LAMA2: variants seen among roughly 807,000 people sequenced by gnomAD.
LAMA2 encodes the protein laminin subunit alpha-2.
Under a neutral mutation model 364.8 loss-of-function variants are expected in LAMA2, and 269 were observed. The observed-to-expected ratio is 0.74, with a 90% CI of 0.67 to 0.82. LAMA2 has a LOEUF of 0.82. Ranked by LOEUF, LAMA2 falls within the 40% of genes least tolerant of loss-of-function variation. The probability of loss-of-function intolerance (pLI) is 0.00; values close to 1 mark genes in which losing one functional copy is unlikely to be tolerated. For missense variants in LAMA2, 3,807 were observed against 3,873.2 expected (o/e 0.98, Z 0.45); for synonymous variants, 1,379 against 1,370.6 (o/e 1.01, Z -0.14).
chr6:129,431,647 T>G (rs1298880949), intron 41 of LAMA2, among the ~76,000 whole-genome samples: 1 of 152,066 alleles, frequency 6.6e-6, no homozygotes, highest in Admixed American at 6.6e-5. Flanking sequence ...CTAAACTTCA[T>G]AACATAAACT....
chr6:128,995,112 A>C (rs1009706819), intron 1 of LAMA2, among the ~76,000 whole-genome samples: 7 of 152,208 alleles, frequency 4.6e-5, no homozygotes, highest in Admixed American at 1.3e-4. Context: ...TGCTACTTTG[A>C]ATTCGGTTTT....
intron 4 of LAMA2, among the ~76,000 whole-genome samples, chr6:129,099,562 T>C (rs1353826641): frequency 6.6e-6 from 1 of 152,138 alleles, no homozygotes; most frequent in Non-Finnish European, 1.5e-5. Flanking sequence ...CTCTCCCACA[T>C]AGTCCAAACA....
chr6:129,288,748 C>A (rs535077136), intron 19 of LAMA2, among the ~76,000 whole-genome samples: 1 of 152,242 alleles, frequency 6.6e-6, no homozygotes, highest in South Asian at 2.1e-4. Context: ...ATTTCCAAAT[C>A]CTTAATGTCA....
At chr6:129,226,595 T>C (rs2115114335) in intron 12 of LAMA2, among the ~76,000 whole-genome samples, 1 of 152,058 alleles carries the variant, frequency 6.6e-6, no homozygotes, top group Non-Finnish European at 1.5e-5. Flanking sequence ...TTATGAAGCT[T>C]AGTTTGGCTG....
intron 4 of LAMA2, among the ~76,000 whole-genome samples, chr6:129,117,734 C>G (rs1224816810): frequency 6.6e-6 from 1 of 152,188 alleles, no homozygotes; most frequent in Non-Finnish European, 1.5e-5. Flanking sequence ...ATTCTAAATG[C>G]CTTGCATCTT....
intron 12 of LAMA2, among the ~76,000 whole-genome samples, chr6:129,208,404 T>C (rs780034986): frequency 6.6e-6 from 1 of 152,024 alleles, no homozygotes; most frequent in African/African-American, 2.4e-5. Context: ...TGGGCTTAAT[T>C]TGAGGTCAGG....
At chr6:129,378,193 C>T (rs750637277) in intron 34 of LAMA2, among the ~76,000 whole-genome samples, 2 of 151,924 alleles carry the variant, frequency 1.3e-5, no homozygotes, top group African/African-American at 2.4e-5. Flanking sequence ...GTCAAATACT[C>T]AAAGGACAAG....
At position 129,438,627 on chromosome 6, in the gene LAMA2, T is replaced by C; in HGVS notation, c.5969-19T>C. 1 of 1,237,708 alleles carries C rather than the reference T, an allele frequency of 8.1e-7. No individual in the cohort carries two copies. The highest frequency in any genetic ancestry group is 2.3e-5 in the East Asian group (1 of 43,016). 76.7% of individuals were successfully genotyped at this position (1,237,708 alleles called of 1,614,324 possible). The stretch of plus-strand genomic sequence containing the variant: ...ATGATAAAACTTATTTAATCCTTTT[T>C]TTTGTTTTTTATTCGCAGAAAATGA... On this transcript the variant is annotated intron_variant, in intron 41 of 64. Transcript: ENST00000421865.
chr6:129,022,789 A>G (rs1785526649), intron 1 of LAMA2, among the ~76,000 whole-genome samples: 1 of 152,196 alleles, frequency 6.6e-6, no homozygotes, highest in Admixed American at 6.5e-5. Context: ...CAGGAGGCAG[A>G]ATAATAACTC....
rs1265656424 is a variant in LAMA2 at position 128,907,117 on chromosome 6, G to A, written c.112+23760G>A. Among the ~76,000 whole-genome samples the A allele has an allele frequency of 5.1e-4, 73 of 143,250 alleles. No individual in the cohort carries two copies. In the South Asian group the frequency reaches 0.015, roughly 29 times the overall value. 94.0% of individuals were successfully genotyped at this position (143,250 alleles called of 152,430 possible). On this transcript the variant is annotated intron_variant, in intron 1 of 64. Coordinates refer to ENST00000421865, the MANE Select transcript of LAMA2 (RefSeq NM_000426.4). Reference sequence around the variant, plus strand: ...TGGCTTAGGATTGACTTGGCGATGCGGGCTCTTTTTTGGTTCCATATGAAC... The same window carrying A: ...TGGCTTAGGATTGACTTGGCGATGCAGGCTCTTTTTTGGTTCCATATGAAC...
chr6:129,280,004 T>C (rs555864240), intron 17 of LAMA2, 57 bp from the exon 18 acceptor site: 4 of 1,126,730 alleles, frequency 3.6e-6, no homozygotes, highest in Non-Finnish European at 5.4e-6. Context: ...AAAATGCTAA[T>C]GACTTTGTGT....
chr6:128,982,578 G>T (rs776577352), intron 1 of LAMA2, among the ~76,000 whole-genome samples: 1 of 151,406 alleles, frequency 6.6e-6, no homozygotes. Flanking sequence ...TTTTTTACCA[G>T]TTTTTTTCCA....
At position 129,312,988 on chromosome 6, in the gene LAMA2, C is replaced by T; in HGVS notation, c.3302C>T (p.Pro1101Leu). 1.2e-6 allele frequency: 2 copies of T among 1,614,130 alleles called. No individual in the cohort carries two copies. Among genetic ancestry groups the T allele is most frequent in the South Asian group, 2.2e-5 (2 of 91,082 alleles). ...TGCAGTCGAGGTCACTGGAACTACC[C>T]TCGCTGCAATCTCTGTGACTGCTTC... ...TECSRGHWNY[P>L]RCNLCDCFLP... The change falls in exon 23 of 65, where the codon CCT (proline) becomes CTT (leucine). Residue 1101 changes from proline (P) to leucine (L), a missense_variant. Physicochemically the swap from Pro to Leu is moderately conservative, Grantham distance 98 (BLOSUM62 -3). Around this residue, in one of 3 missense-constraint regions of LAMA2, gnomAD observed 3,333 missense variants for 3,345.7 expected, o/e 1.00. Transcript: ENST00000421865.
intron 4 of LAMA2, among the ~76,000 whole-genome samples, chr6:129,130,954 C>A (rs979500568): frequency 6.6e-6 from 1 of 152,098 alleles, no homozygotes; most frequent in African/African-American, 2.4e-5. Flanking sequence ...ACTCTTAAGC[C>A]CAACAGCAAC....
chr6:128,904,237 C>T (rs1777273664), intron 1 of LAMA2, among the ~76,000 whole-genome samples: 1 of 152,134 alleles, frequency 6.6e-6, no homozygotes, highest in Non-Finnish European at 1.5e-5. Flanking sequence ...ATTATACCAC[C>T]TACAGTCTTA....
At chr6:128,965,157 A>G (rs1294682679) in intron 1 of LAMA2, among the ~76,000 whole-genome samples, 1 of 152,006 alleles carries the variant, frequency 6.6e-6, no homozygotes, top group Non-Finnish European at 1.5e-5. Flanking sequence ...TATTAATCTT[A>G]CTCCAAATAT....
At chr6:129,301,145 C>T (rs547761199) in intron 22 of LAMA2, among the ~76,000 whole-genome samples, 6 of 152,068 alleles carry the variant, frequency 3.9e-5, no homozygotes, top group East Asian at 1.9e-4. Flanking sequence ...GAGCTATAAC[C>T]TCATACCTAG....
chr6:129,447,877 T>C (rs943558234), intron 45 of LAMA2, among the ~76,000 whole-genome samples: 3 of 152,250 alleles, frequency 2.0e-5, no homozygotes, highest in Non-Finnish European at 2.9e-5. Flanking sequence ...AGTGGAGAAA[T>C]CTAGACATTT....
chr6:129,339,283 C>T (rs1371332366), intron 29 of LAMA2, among the ~76,000 whole-genome samples: 4 of 152,238 alleles, frequency 2.6e-5, no homozygotes, highest in South Asian at 2.1e-4. Flanking sequence ...ATGGATACCT[C>T]GGATAAGAGA....
Sources: gnomAD v4.1 joint callset for allele counts (sites outside exome capture counted in the v4.1 genomes callset) on GRCh38, gnomAD v4.1.1 for gene constraint, gnomAD v4.1.1 regional missense constraint, MANE v1.5 for transcripts, NCBI Gene and HGNC (gene_info 2026-07-23, HGNC 2026-07-21) for gene names.